Variants in KCND2 observed in about 807,000 individuals in gnomAD.
KCND2 encodes potassium voltage-gated channel subfamily D member 2.
Under a neutral mutation model 54.4 loss-of-function variants are expected in KCND2, and 16 were observed. The ratio of observed to expected loss-of-function variants is 0.29; its 90% CI spans 0.20 to 0.45. The LOEUF (loss-of-function observed/expected upper bound fraction) is 0.45. Ranked by LOEUF, KCND2 falls within the 20% of genes least tolerant of loss-of-function variation. The pLI is 1.00. For synonymous variants in KCND2, 317 were observed against 310.7 expected (o/e 1.02, Z -0.21); for missense variants, 486 against 824.2 (o/e 0.59, Z 5.02).
intron 1 of KCND2, among the ~76,000 whole-genome samples, chr7:120,398,618 T>C (rs192803905): frequency 7.7e-4 from 117 of 152,238 alleles, no homozygotes; most frequent in Non-Finnish European, 1.3e-3. Context: ...TGCAAAGATA[T>C]ACAATGCAAA....
At chr7:120,275,829 C>G (rs921317521) in intron 1 of KCND2, 82 bp downstream of exon 1, 3 of 1,428,140 alleles carry the variant, frequency 2.1e-6, no homozygotes, top group Non-Finnish European at 2.9e-6. Flanking sequence ...ATGGTAACTC[C>G]GGGGAAATCA....
At chr7:120,644,415 C>A (rs1184256338) in intron 1 of KCND2, among the ~76,000 whole-genome samples, 3 of 152,228 alleles carry the variant, frequency 2.0e-5, no homozygotes, top group Admixed American at 2.0e-4. Flanking sequence ...GTTCACTTTA[C>A]CAAGGAAACT....
intron 1 of KCND2, among the ~76,000 whole-genome samples, chr7:120,368,766 A>G (rs1161489298): frequency 6.6e-6 from 1 of 152,118 alleles, no homozygotes; most frequent in Non-Finnish European, 1.5e-5. Flanking sequence ...GTCATCCATA[A>G]AGAATTAAAA....
intron 1 of KCND2, among the ~76,000 whole-genome samples, chr7:120,547,373 C>G (rs1343472298): frequency 1.3e-5 from 2 of 151,930 alleles, no homozygotes; most frequent in Non-Finnish European, 2.9e-5. Context: ...TGATTTAACT[C>G]TCTGTAAAAG....
intron 4 of KCND2, 29 bp from the exon 5 acceptor site, chr7:120,745,751 T>C (rs1792997739): frequency 1.9e-5 from 30 of 1,612,974 alleles, no homozygotes; most frequent in Non-Finnish European, 2.5e-5. Context: ...GCTTCTCTGT[T>C]TCTTCATTTA....
chr7:120,653,113 A>G (rs544390658), intron 1 of KCND2, among the ~76,000 whole-genome samples: 10 of 151,782 alleles, frequency 6.6e-5, no homozygotes, highest in African/African-American at 2.4e-4. Flanking sequence ...GCTCACTGCA[A>G]CCTCTGCCTC....
At chr7:120,598,430 G>A (rs556144053) in intron 1 of KCND2, among the ~76,000 whole-genome samples, 1 of 152,164 alleles carries the variant, frequency 6.6e-6, no homozygotes, top group Non-Finnish European at 1.5e-5. Context: ...TAGATCATTT[G>A]ATAATGGTAT....
intron 1 of KCND2, among the ~76,000 whole-genome samples, chr7:120,457,167 T>A (rs1802212259): frequency 6.6e-6 from 1 of 152,162 alleles, no homozygotes; most frequent in East Asian, 1.9e-4. Context: ...GGGAACCTTT[T>A]TTTCCTCCTA....
At chr7:120,357,400 T>A (rs1448777536) in intron 1 of KCND2, among the ~76,000 whole-genome samples, 1 of 152,146 alleles carries the variant, frequency 6.6e-6, no homozygotes, top group East Asian at 1.9e-4. Flanking sequence ...TAAGTGATTT[T>A]TACCCTCCTA....
At chr7:120,649,380 G>T (rs922571086) in intron 1 of KCND2, among the ~76,000 whole-genome samples, 4 of 151,962 alleles carry the variant, frequency 2.6e-5, no homozygotes, top group Admixed American at 6.6e-5. Context: ...AGACTATAAT[G>T]CTCAAAAGAT....
At chr7:120,570,045 C>G (rs576909611) in intron 1 of KCND2, among the ~76,000 whole-genome samples, 2 of 152,150 alleles carry the variant, frequency 1.3e-5, no homozygotes, top group South Asian at 4.1e-4. Context: ...TGTCCGTGTC[C>G]CTTTTTGTGT....
intron 1 of KCND2, among the ~76,000 whole-genome samples, chr7:120,474,845 G>T (rs2116268226): frequency 6.6e-6 from 1 of 152,144 alleles, no homozygotes; most frequent in South Asian, 2.1e-4. Flanking sequence ...CTAAGCAGAA[G>T]CATGATCATC....
chr7:120,529,444 C>T (rs1412731404), intron 1 of KCND2, among the ~76,000 whole-genome samples: 1 of 152,104 alleles, frequency 6.6e-6, no homozygotes, highest in Non-Finnish European at 1.5e-5. Flanking sequence ...TTGAAATGCC[C>T]TCTTACCTTG....
chr7:120,532,233 T>C (rs1453977486), intron 1 of KCND2, among the ~76,000 whole-genome samples: 1 of 152,060 alleles, frequency 6.6e-6, no homozygotes, highest in Admixed American at 6.6e-5. Context: ...TCTTTAAATA[T>C]AGTGAATATT....
At chr7:120,334,343 A>G (rs577103685) in intron 1 of KCND2, among the ~76,000 whole-genome samples, 1 of 152,232 alleles carries the variant, frequency 6.6e-6, no homozygotes, top group African/African-American at 2.4e-5. Flanking sequence ...TTACAGGGAC[A>G]TTAACATCTC....
At chr7:120,722,759 G>C (rs376339793) in intron 1 of KCND2, among the ~76,000 whole-genome samples, 78 of 152,240 alleles carry the variant, frequency 5.1e-4, no homozygotes, top group African/African-American at 1.5e-3. Context: ...AAATTAAATA[G>C]CTGCACTTCT....
chr7:120,745,922 C>T lies in KCND2; in HGVS notation c.1610C>T (p.Thr537Ile). 1 of 1,613,884 alleles carries T rather than the reference C, an allele frequency of 6.2e-7. No homozygotes were observed. The highest frequency in any genetic ancestry group is 8.5e-7 in the Non-Finnish European group (1 of 1,179,852). The change falls in exon 5 of 6, where the codon ACT (threonine) becomes ATT (isoleucine). Residue 537 changes from threonine to isoleucine, a missense_variant. This residue lies in a region of KCND2 where 202 missense variants were observed against 252.7 expected (regional missense o/e 0.80). Coordinates refer to ENST00000331113, the MANE Select transcript of KCND2 (RefSeq NM_012281.3). ...TGCTGTTCACGACGACACAAAAAAA[C>T]TTTTCGCATCCCAAATGCCAATGTA... ...STCCSRRHKK[T>I]FRIPNANVSG...
chr7:120,497,794 T>G (rs1420399630), intron 1 of KCND2, among the ~76,000 whole-genome samples: 1 of 152,194 alleles, frequency 6.6e-6, no homozygotes, highest in Non-Finnish European at 1.5e-5. Context: ...TTGACCTAAA[T>G]TAATCACATG....
At chr7:120,382,721 C>T (rs1302816692) in intron 1 of KCND2, among the ~76,000 whole-genome samples, 1 of 151,820 alleles carries the variant, frequency 6.6e-6, no homozygotes, top group Non-Finnish European at 1.5e-5. Context: ...GTAACAGTCA[C>T]AATAGAATTT....
Sources: allele counts gnomAD v4.1 joint callset (sites outside exome capture counted in the v4.1 genomes callset), GRCh38; gene constraint gnomAD v4.1.1; regional missense constraint gnomAD v4.1.1; transcripts MANE v1.5; gene names NCBI Gene and HGNC (gene_info 2026-07-23, HGNC 2026-07-21).